The following CSMD2 variants were observed in gnomAD, a reference collection of about 807,000 sequenced individuals.
CSMD2 encodes CUB and Sushi multiple domains 2, also known as CUB and sushi domain-containing protein 2.
A neutral mutation model predicts 398.5 loss-of-function variants in CSMD2; 130 were observed. That is an observed-to-expected ratio of 0.33 (90% CI 0.28 to 0.38). The LOEUF (loss-of-function observed/expected upper bound fraction) is 0.38. CSMD2 is among the 10% of genes least tolerant of loss of function. The probability of loss-of-function intolerance (pLI) is 1.00; values close to 1 mark genes in which losing one functional copy is unlikely to be tolerated. For missense variants in CSMD2, 3,829 were observed against 4,764.9 expected (o/e 0.80, Z 5.78); for synonymous variants, 1,828 against 1,908.5 (o/e 0.96, Z 1.10).
intron 3 of CSMD2, among the ~76,000 whole-genome samples, chr1:33,945,397 T>G (rs951605533): frequency 2.6e-5 from 4 of 152,160 alleles, no homozygotes; most frequent in African/African-American, 9.7e-5. Flanking sequence ...GGAAGAGGTA[T>G]CTCTTCTGCG....
At chr1:33,775,411 G>GT (rs933250936) in intron 12 of CSMD2, among the ~76,000 whole-genome samples, 1 of 151,738 alleles carries the variant, frequency 6.6e-6, no homozygotes, top group African/African-American at 2.4e-5. Context: ...TAATTGCTGA[G>GT]TTTTTTTTTC....
rs369231734 is a variant in CSMD2, at chr1:33,569,501, G to A, written c.8004C>T (p.Ile2668=). 20 of 1,614,076 alleles carry A rather than the reference G, an allele frequency of 1.2e-5. No individual in the cohort carries two copies. The highest frequency in any genetic ancestry group is 4.5e-5 in the East Asian group (2 of 44,904). Residue 2668 remains isoleucine (I), a synonymous_variant, in exon 52 of 71, where the codon ATC becomes ATT. Coordinates refer to ENST00000373381, the MANE Select transcript of CSMD2 (RefSeq NM_001281956.2). ...TTGCCCCGTAGACAGACAGTGTTCC[G>A]ATGCGGTGGCCATTGGGGGGAATCG... ...ELPIPPNGHR[I]GTLSVYGATA...
intron 56 of CSMD2, among the ~76,000 whole-genome samples, chr1:33,548,510 C>T (rs915117406): frequency 6.6e-6 from 1 of 152,146 alleles, no homozygotes; most frequent in Non-Finnish European, 1.5e-5. Flanking sequence ...TTTTGTTGTG[C>T]AACAGTTGGG....
chr1:33,609,194 G>A (rs1003929291), intron 41 of CSMD2, among the ~76,000 whole-genome samples: 3 of 151,982 alleles, frequency 2.0e-5, no homozygotes, highest in African/African-American at 4.8e-5. Flanking sequence ...AAGCCCAGCC[G>A]CACTTACCAA....
intron 3 of CSMD2, among the ~76,000 whole-genome samples, chr1:33,949,517 G>C (rs938177351): frequency 6.6e-6 from 1 of 152,222 alleles, no homozygotes; most frequent in Non-Finnish European, 1.5e-5. Flanking sequence ...GTCCTACCCA[G>C]CTGCAAACTG....
In CSMD2 at chr1:34,159,731, C is replaced by T. The variant is rs764070996; in HGVS notation, c.187+5180G>A. 3.3e-5 allele frequency among the ~76,000 whole-genome samples: 5 copies of T among 152,140 alleles called. No homozygotes were observed. The East Asian group carries it at 5.8e-4, about 18-fold the overall frequency. ...TACATCCAAGTGCTTAAGACAGTGC[C>T]GGTGAGTACTCAGTGAATATGAGCT... is the stretch of plus-strand genomic sequence containing the variant. On this transcript the variant is annotated intron_variant, in intron 1 of 70. Transcript: ENST00000373381.
At chr1:33,777,405 T>G (rs985240719) in intron 12 of CSMD2, among the ~76,000 whole-genome samples, 7 of 152,170 alleles carry the variant, frequency 4.6e-5, no homozygotes, top group Non-Finnish European at 1.0e-4. Context: ...TGTCCTGGCC[T>G]AAGCCTTCTC....
intron 5 of CSMD2, among the ~76,000 whole-genome samples, chr1:33,850,773 T>C (rs1230467007): frequency 3.9e-5 from 6 of 152,242 alleles, no homozygotes; most frequent in South Asian, 4.1e-4. Context: ...TTTTGGTAAA[T>C]TGACTTCTGT....
chr1:33,801,622 C>T (rs745972914), intron 10 of CSMD2, among the ~76,000 whole-genome samples: 10 of 152,094 alleles, frequency 6.6e-5, no homozygotes, highest in East Asian at 1.9e-4. Context: ...AGGATGCTCA[C>T]GAGCTATGGG....
intron 7 of CSMD2, among the ~76,000 whole-genome samples, 172 bp from the exon 8 acceptor site, chr1:33,820,728 T>G (rs1658044292): frequency 6.6e-6 from 1 of 152,134 alleles, no homozygotes; most frequent in African/African-American, 2.4e-5. Flanking sequence ...GCCTGGGGTT[T>G]CTTGGATGTG....
chr1:33,600,781 T>C, intron 44 of CSMD2, 84 bp downstream of exon 44: 1 of 1,418,938 alleles, frequency 7.0e-7, no homozygotes, highest in Non-Finnish European at 9.8e-7. Context: ...GGTCACATGA[T>C]CCGCAAATGG....
chr1:33,912,401 C>T (rs1055095333), intron 5 of CSMD2, among the ~76,000 whole-genome samples: 3 of 135,560 alleles, frequency 2.2e-5, no homozygotes, highest in African/African-American at 6.4e-5. Context: ...GGACGACCCC[C>T]GCATCATACA....
chr1:33,580,700 T>C, intron 48 of CSMD2, 53 bp downstream of exon 48: 1 of 1,603,402 alleles, frequency 6.2e-7, no homozygotes, highest in Non-Finnish European at 8.5e-7. Context: ...CAGAGGAGCT[T>C]GAGGCTTCGA....
At chr1:33,594,680 A>T (rs1478533171) in intron 44 of CSMD2, among the ~76,000 whole-genome samples, 4 of 151,514 alleles carry the variant, frequency 2.6e-5, no homozygotes, top group Non-Finnish European at 5.9e-5. Context: ...TACCATTTTC[A>T]CGCCTCTGCC....
At chr1:34,111,915 C>T (rs919866395) in intron 1 of CSMD2, among the ~76,000 whole-genome samples, 2 of 152,092 alleles carry the variant, frequency 1.3e-5, no homozygotes, top group African/African-American at 4.8e-5. Flanking sequence ...GTCTCCCTGC[C>T]CCCAGAGGAA....
At position 33,569,367 on chromosome 1, in the gene CSMD2, C is replaced by G; in HGVS notation, c.8131+7G>C. ...CTGGGCAGGATAGGCCTGCAGAGGT[C>G]ACTTACCAAGGCAGCGGACTTCAGA... On this transcript the variant is annotated splice_region_variant and intron_variant, in intron 52 of 70. Transcript: ENST00000373381. 1 of 1,611,878 alleles carries G rather than the reference C, an allele frequency of 6.2e-7. No individual in the cohort carries two copies. The highest frequency in any genetic ancestry group is 8.5e-7 in the Non-Finnish European group (1 of 1,178,834).
intron 13 of CSMD2, among the ~76,000 whole-genome samples, chr1:33,745,557 G>A (rs1479921704): frequency 2.6e-5 from 4 of 152,070 alleles, no homozygotes; most frequent in Non-Finnish European, 5.9e-5. Context: ...CAAAAAAATT[G>A]GTGACTCCTT....
intron 2 of CSMD2, among the ~76,000 whole-genome samples, chr1:34,055,743 C>T (rs968240598): frequency 1.4e-4 from 21 of 152,182 alleles, no homozygotes; most frequent in Non-Finnish European, 1.2e-4. Flanking sequence ...TGAGCCCAGT[C>T]TTTCTGAGTT....
Position 33,695,855 on chromosome 1 carries a change from T to A in CSMD2, c.3926-2799A>T, listed in dbSNP as rs114323600. ...TTTGGATGGAGGACCTGAATAAACATCCTCGCTGTGACATCTTTTGTGACA... is the reference window on the plus strand; with the variant it reads ...TTTGGATGGAGGACCTGAATAAACAACCTCGCTGTGACATCTTTTGTGACA... On this transcript the variant is annotated intron_variant, in intron 24 of 70. Coordinates refer to ENST00000373381, the MANE Select transcript of CSMD2 (RefSeq NM_001281956.2). 8.9e-3 allele frequency among the ~76,000 whole-genome samples: 1,353 copies of A among 152,310 alleles called. 19 individuals are homozygous for A. The highest frequency in any genetic ancestry group is 0.029 in the African/African-American group (1,204 of 41,556).
Sources: allele counts gnomAD v4.1 joint callset (sites outside exome capture counted in the v4.1 genomes callset), GRCh38; gene constraint gnomAD v4.1.1; transcripts MANE v1.5; gene names NCBI Gene and HGNC (gene_info 2026-07-23, HGNC 2026-07-21).